Variants in RARB observed in about 807,000 individuals in gnomAD.
The protein encoded by RARB is retinoic acid receptor beta.
RARB carries 17 observed loss-of-function variants against 51.9 expected under a neutral mutation model. The observed-to-expected ratio is 0.33, with a 90% CI of 0.22 to 0.49. The LOEUF (loss-of-function observed/expected upper bound fraction) is 0.49. Among genes scored for constraint, RARB ranks in the 20% least tolerant of loss-of-function variants. The probability of loss-of-function intolerance (pLI) is 0.99; values close to 1 mark genes in which losing one functional copy is unlikely to be tolerated. For missense variants in RARB, 369 were observed against 550.8 expected, an observed-to-expected ratio of 0.67 and a Z score of 3.30; for synonymous variants, 215 against 195.4, an observed-to-expected ratio of 1.10 and a Z score of -0.84.
At chr3:25,399,736 C>G (rs1267709684) in intron 5 of RARB, among the ~76,000 whole-genome samples, 1 of 152,136 alleles carries the variant, frequency 6.6e-6, no homozygotes, top group Non-Finnish European at 1.5e-5. Flanking sequence ...TTAAAACCAA[C>G]TAAAAGTGGG....
chr3:24,944,403 T>A (rs1314094572), intron 2 of RARB, among the ~76,000 whole-genome samples: 1 of 152,258 alleles, frequency 6.6e-6, no homozygotes, highest in Non-Finnish European at 1.5e-5. Flanking sequence ...TTCAACTATG[T>A]ATTCAATATT....
chr3:24,913,283 C>T (rs530499200), intron 2 of RARB, among the ~76,000 whole-genome samples: 25 of 151,994 alleles, frequency 1.6e-4, no homozygotes, highest in East Asian at 3.9e-4. Flanking sequence ...CGCGCCCAGC[C>T]GGTACTGTTC....
intron 2 of RARB, among the ~76,000 whole-genome samples, chr3:24,980,440 C>G (rs1004654557): frequency 3.9e-5 from 6 of 152,146 alleles, no homozygotes; most frequent in African/African-American, 1.2e-4. Context: ...TTCACATAGT[C>G]CCATATTTCT....
At chr3:25,564,066 C>A (rs2125681607) in intron 3 of RARB, among the ~76,000 whole-genome samples, 1 of 150,886 alleles carries the variant, frequency 6.6e-6, no homozygotes, top group African/African-American at 2.4e-5. Flanking sequence ...TTATTGTGTG[C>A]CTGAAAATCA....
At chr3:25,199,752 G>A (rs542080833) in intron 5 of RARB, among the ~76,000 whole-genome samples, 13 of 152,048 alleles carry the variant, frequency 8.5e-5, no homozygotes, top group South Asian at 4.1e-4. Context: ...AGCTTCATCC[G>A]TGTCCCTACA....
chr3:25,412,927 G>A (rs1707603460), intron 5 of RARB, among the ~76,000 whole-genome samples: 2 of 152,102 alleles, frequency 1.3e-5, no homozygotes, highest in South Asian at 4.1e-4. Flanking sequence ...GCTGAGGCAG[G>A]AGAATCACTT....
chr3:25,330,276 T>G (rs1333781275), intron 5 of RARB, among the ~76,000 whole-genome samples: 1 of 152,074 alleles, frequency 6.6e-6, no homozygotes, highest in Non-Finnish European at 1.5e-5. Flanking sequence ...AAGGTCAGGT[T>G]ACCCACAAAG....
chr3:25,153,163 T>C (rs923080282), intron 4 of RARB, among the ~76,000 whole-genome samples: 2 of 151,488 alleles, frequency 1.3e-5, no homozygotes, highest in Non-Finnish European at 2.9e-5. Flanking sequence ...TGTGTGTGCA[T>C]GCGTGCGTGC....
At chr3:25,566,762 A>C (rs1700511514) in intron 3 of RARB, among the ~76,000 whole-genome samples, 1 of 152,240 alleles carries the variant, frequency 6.6e-6, no homozygotes. Flanking sequence ...AGGAGCAGAC[A>C]CAGGTCCTGC....
At chr3:25,129,827 C>T (rs1575173835) in intron 3 of RARB, among the ~76,000 whole-genome samples, 1 of 151,994 alleles carries the variant, frequency 6.6e-6, no homozygotes, top group Non-Finnish European at 1.5e-5. Context: ...TAACTATACA[C>T]CTTTTGGTGC....
chr3:25,309,907 A>G (rs1278626736), intron 5 of RARB, among the ~76,000 whole-genome samples: 4 of 152,074 alleles, frequency 2.6e-5, no homozygotes, highest in Non-Finnish European at 4.4e-5. Context: ...TCTTCAACCT[A>G]CTTGATGGCT....
chr3:25,592,016 C>A (rs1210611174), intron 5 of RARB, among the ~76,000 whole-genome samples: 2 of 152,182 alleles, frequency 1.3e-5, no homozygotes. Flanking sequence ...GGACTGTCTT[C>A]CCCATGGGAA....
intron 1 of RARB, among the ~76,000 whole-genome samples, chr3:24,854,489 T>C (rs1292208091): frequency 2.6e-5 from 4 of 152,176 alleles, no homozygotes; most frequent in Non-Finnish European, 5.9e-5. Context: ...TTTCCAAGTG[T>C]TGGCCCTGGA....
At chr3:25,017,626 A>G (rs1697541583) in intron 2 of RARB, among the ~76,000 whole-genome samples, 1 of 152,220 alleles carries the variant, frequency 6.6e-6, no homozygotes. Flanking sequence ...AGGTGGAAAC[A>G]GGAAGACAGC....
At chr3:25,476,277 A>G (rs1168002884) in intron 2 of RARB, among the ~76,000 whole-genome samples, 1 of 152,088 alleles carries the variant, frequency 6.6e-6, no homozygotes, top group Non-Finnish European at 1.5e-5. Context: ...AATTACAATG[A>G]TTTTTTGTTT....
intron 5 of RARB, among the ~76,000 whole-genome samples, chr3:25,201,509 A>G (rs922881895): frequency 1.8e-4 from 27 of 152,262 alleles, no homozygotes; most frequent in Non-Finnish European, 3.2e-4. Context: ...GTCTTGTGCC[A>G]GTTTTCAAAG....
chr3:25,564,353 C>T (rs747364010), intron 3 of RARB, among the ~76,000 whole-genome samples: 25 of 152,186 alleles, frequency 1.6e-4, no homozygotes, highest in Non-Finnish European at 3.4e-4. Context: ...TATGGAGCAC[C>T]TTTCATCCAA....
chr3:25,155,013 C>A (rs1046976790), intron 4 of RARB, among the ~76,000 whole-genome samples: 1 of 152,214 alleles, frequency 6.6e-6, no homozygotes, highest in Non-Finnish European at 1.5e-5. Context: ...CCAATTCATT[C>A]AATCACTTGT....
intron 2 of RARB, among the ~76,000 whole-genome samples, chr3:24,899,072 T>A (rs747436436): frequency 1.3e-5 from 2 of 152,184 alleles, no homozygotes; most frequent in Non-Finnish European, 2.9e-5. Flanking sequence ...TTTAGAAATG[T>A]AAATTCTCAG....
Sources: allele counts gnomAD v4.1 joint callset (sites outside exome capture counted in the v4.1 genomes callset), GRCh38; gene constraint gnomAD v4.1.1; transcripts MANE v1.5; gene names NCBI Gene and HGNC (gene_info 2026-07-23, HGNC 2026-07-21).